The following RUNX1T1 variants were observed in gnomAD, a reference collection of about 807,000 sequenced individuals.
The protein encoded by RUNX1T1 is RUNX1 partner transcriptional co-repressor 1, also known as protein CBFA2T1.
In RUNX1T1, 4 loss-of-function variants were observed where a neutral mutation model predicts 62.8. The ratio of observed to expected loss-of-function variants is 0.06; its 90% CI spans 0.03 to 0.15. The LOEUF is 0.15. Ranked by LOEUF, RUNX1T1 falls within the 10% of genes least tolerant of loss-of-function variation. The pLI, the probability that RUNX1T1 is intolerant of heterozygous loss-of-function variation, is 1.00. For synonymous variants in RUNX1T1, 291 were observed against 286.0 expected (o/e 1.02, Z -0.18); for missense variants, 508 against 754.3 (o/e 0.67, Z 3.82).
At chr8:91,987,251 T>C (rs1816761220) in intron 6 of RUNX1T1, among the ~76,000 whole-genome samples, 1 of 152,200 alleles carries the variant, frequency 6.6e-6, no homozygotes, top group Non-Finnish European at 1.5e-5. Flanking sequence ...CAACTAGTTA[T>C]CCATGCAACA....
intron 1 of RUNX1T1, among the ~76,000 whole-genome samples, chr8:92,083,543 A>C (rs1835615322): frequency 6.6e-6 from 1 of 152,210 alleles, no homozygotes; most frequent in African/African-American, 2.4e-5. Flanking sequence ...TCAAAACCAC[A>C]ATGAGATACC....
intron 2 of RUNX1T1, among the ~76,000 whole-genome samples, chr8:92,072,685 G>C (rs1281077638): frequency 1.3e-5 from 2 of 152,198 alleles, no homozygotes; most frequent in Non-Finnish European, 2.9e-5. Context: ...CACTGACCTG[G>C]GATCAGTGTG....
At chr8:91,974,406 C>A (rs573266028) in intron 9 of RUNX1T1, among the ~76,000 whole-genome samples, 1 of 152,056 alleles carries the variant, frequency 6.6e-6, no homozygotes, top group African/African-American at 2.4e-5. Flanking sequence ...TTACACAAGA[C>A]CTTACTGGTA....
At chr8:92,015,335 C>G (rs1226148690) in intron 2 of RUNX1T1, among the ~76,000 whole-genome samples, 1 of 152,182 alleles carries the variant, frequency 6.6e-6, no homozygotes, top group African/African-American at 2.4e-5. Flanking sequence ...CCTTCCACCA[C>G]CCAATTAGAA....
chr8:92,017,635 A>T (rs1823272571), intron 1 of RUNX1T1: 2 of 1,322,064 alleles, frequency 1.5e-6, no homozygotes, highest in Admixed American at 6.7e-5. Flanking sequence ...TGGTAGTGTT[A>T]TATGCAGCAG....
At chr8:91,976,130 TA>T (rs1813887871) in intron 8 of RUNX1T1, 157 bp from the exon 10 acceptor site, 2 of 571,474 alleles carry the variant, frequency 3.5e-6, no homozygotes, top group South Asian at 2.2e-5. Context: ...TGAAAACACA[TA>T]AAAATAGCAA....
chr8:92,015,795 T>C (rs550303522), intron 2 of RUNX1T1, among the ~76,000 whole-genome samples: 82 of 152,328 alleles, frequency 5.4e-4, no homozygotes, highest in Non-Finnish European at 4.3e-4. Context: ...AAGTTCAATT[T>C]TGACATAATA....
At chr8:92,035,659 C>T (rs1024440912) in intron 1 of RUNX1T1, among the ~76,000 whole-genome samples, 1 of 152,106 alleles carries the variant, frequency 6.6e-6, no homozygotes, top group Middle Eastern at 3.4e-3. Flanking sequence ...TTCATGGAAA[C>T]CCATGACCTT....
At chr8:92,024,913 C>G (rs1391295227) in intron 1 of RUNX1T1, among the ~76,000 whole-genome samples, 2 of 152,218 alleles carry the variant, frequency 1.3e-5, no homozygotes, top group African/African-American at 4.8e-5. Context: ...CTATGTAAAA[C>G]TGGCCATGTT....
chr8:92,018,097 T>A (rs28625919), intron 1 of RUNX1T1, among the ~76,000 whole-genome samples: 35,340 of 152,028 alleles, frequency 0.23, 4,336 homozygotes, highest in African/African-American at 0.31. Context: ...AACTAGACAC[T>A]GCTAATATTT....
intron 5 of RUNX1T1, among the ~76,000 whole-genome samples, chr8:92,001,773 A>T (rs1819804877): frequency 6.6e-6 from 1 of 152,252 alleles, no homozygotes; most frequent in African/African-American, 2.4e-5. Context: ...GGCAAATTAG[A>T]TCGAAAAGCT....
chr8:92,040,291 A>T (rs2130093634), intron 1 of RUNX1T1, among the ~76,000 whole-genome samples: 1 of 152,342 alleles, frequency 6.6e-6, no homozygotes, highest in African/African-American at 2.4e-5. Flanking sequence ...ACATACATTT[A>T]TTAGCAAACT....
chr8:92,092,818 C>T (rs1023462652), intron 1 of RUNX1T1, among the ~76,000 whole-genome samples: 1 of 152,066 alleles, frequency 6.6e-6, no homozygotes, highest in Non-Finnish European at 1.5e-5. Context: ...AATGAAAATG[C>T]ACATTAGGCA....
intron 9 of RUNX1T1, among the ~76,000 whole-genome samples, chr8:91,974,214 G>A (rs954312510): frequency 1.3e-5 from 2 of 152,036 alleles, no homozygotes; most frequent in Non-Finnish European, 2.9e-5. Flanking sequence ...TGATTAAGTG[G>A]AAAATACATA....
chr8:92,009,089 TACAAG>T (rs1563744853), intron 4 of RUNX1T1, among the ~76,000 whole-genome samples: 1 of 152,150 alleles, frequency 6.6e-6, no homozygotes, highest in African/African-American at 2.4e-5. Context: ...GTATGGATGG[TACAAG>T]ACAAGAGGCT....
At chr8:92,032,469 T>C (rs1225505024) in intron 1 of RUNX1T1, among the ~76,000 whole-genome samples, 1 of 152,148 alleles carries the variant, frequency 6.6e-6, no homozygotes, top group East Asian at 1.9e-4. Context: ...ATAACCATGA[T>C]GAGCCAAGAC....
At chr8:92,019,009 T>G (rs1010462268) in intron 1 of RUNX1T1, 1 of 152,148 alleles carries the variant, frequency 6.6e-6, no homozygotes, top group Non-Finnish European at 1.5e-5. Context: ...TATCTATTGT[T>G]AAAAACTTGT....
intron 5 of RUNX1T1, among the ~76,000 whole-genome samples, chr8:92,002,127 AAAG>A (rs1819877658): frequency 6.6e-6 from 1 of 152,202 alleles, no homozygotes; most frequent in Admixed American, 6.5e-5. Context: ...ACATATTAAC[AAAG>A]AATAGAAATC....
intron 1 of RUNX1T1, among the ~76,000 whole-genome samples, chr8:92,034,270 A>G (rs1587177122): frequency 6.6e-6 from 1 of 152,282 alleles, no homozygotes; most frequent in Non-Finnish European, 1.5e-5. Flanking sequence ...CTGAGAGGAA[A>G]AGACTAGAGA....
Sources: allele counts gnomAD v4.1 joint callset (sites outside exome capture counted in the v4.1 genomes callset), GRCh38; gene constraint gnomAD v4.1.1; transcripts MANE v1.5; gene names NCBI Gene and HGNC (gene_info 2026-07-23, HGNC 2026-07-21).